Variants in TRPM3 observed in about 807,000 individuals in gnomAD.
TRPM3 encodes the protein transient receptor potential cation channel subfamily M member 3.
Under a neutral mutation model 181.2 loss-of-function variants are expected in TRPM3, and 77 were observed. That is an observed-to-expected ratio of 0.42 (90% CI 0.35 to 0.51). The LOEUF is 0.51. Among genes scored for constraint, TRPM3 ranks in the 20% least tolerant of loss-of-function variants. The pLI is 0.01. For missense variants in TRPM3, 1,759 were observed against 2,196.7 expected, an observed-to-expected ratio of 0.80 and a Z score of 3.98; for synonymous variants, 745 against 796.4, an observed-to-expected ratio of 0.94 and a Z score of 1.09.
chr9:70,795,281 A>G (rs2086726291), intron 6 of TRPM3, among the ~76,000 whole-genome samples: 1 of 152,230 alleles, frequency 6.6e-6, no homozygotes. Context: ...TTTGAATAAT[A>G]CATGAATTAT....
intron 14 of TRPM3, among the ~76,000 whole-genome samples, chr9:70,622,037 T>C (rs1000692555): frequency 1.3e-5 from 2 of 152,110 alleles, no homozygotes; most frequent in Admixed American, 6.5e-5. Context: ...GTGATGGTAT[T>C]AGGGGGGACA....
At chr9:71,096,225 C>T (rs2067168389) in intron 1 of TRPM3, among the ~76,000 whole-genome samples, 3 of 149,302 alleles carry the variant, frequency 2.0e-5, no homozygotes, top group South Asian at 4.3e-4. Flanking sequence ...TATACTTCCA[C>T]CCAGAATTGA....
chr9:70,800,636 C>T (rs2088678091), intron 6 of TRPM3, among the ~76,000 whole-genome samples: 1 of 152,164 alleles, frequency 6.6e-6, no homozygotes, highest in South Asian at 2.1e-4. Context: ...TGACCCACTT[C>T]TACTTAGTGA....
intron 1 of TRPM3, among the ~76,000 whole-genome samples, chr9:70,930,387 A>G (rs946889936): frequency 3.3e-5 from 5 of 152,234 alleles, no homozygotes; most frequent in Non-Finnish European, 5.9e-5. Context: ...TCAGCATGTC[A>G]TAAAAATTAT....
chr9:70,742,547 G>A (rs1587692291), intron 8 of TRPM3, among the ~76,000 whole-genome samples: 1 of 152,012 alleles, frequency 6.6e-6, no homozygotes, highest in African/African-American at 2.4e-5. Flanking sequence ...CTGTGATTTT[G>A]TATCCTTTAA....
At chr9:71,258,417 A>G (rs1437281701) in intron 1 of TRPM3, among the ~76,000 whole-genome samples, 1 of 152,128 alleles carries the variant, frequency 6.6e-6, no homozygotes, top group Non-Finnish European at 1.5e-5. Flanking sequence ...CATGAATTCT[A>G]TTTATTACAG....
At chr9:71,407,415 A>G (rs937122675) in intron 1 of TRPM3, among the ~76,000 whole-genome samples, 3 of 152,230 alleles carry the variant, frequency 2.0e-5, no homozygotes, top group Non-Finnish European at 4.4e-5. Flanking sequence ...ACAGCACACC[A>G]GGAGATTATA....
intron 1 of TRPM3, among the ~76,000 whole-genome samples, chr9:71,037,078 C>T (rs1452797993): frequency 6.6e-6 from 1 of 152,098 alleles, no homozygotes; most frequent in Non-Finnish European, 1.5e-5. Flanking sequence ...AGTAGCAAAA[C>T]TACAAAAAGC....
At chr9:70,773,863 C>A (rs189145802) in intron 7 of TRPM3, among the ~76,000 whole-genome samples, 2 of 152,228 alleles carry the variant, frequency 1.3e-5, no homozygotes, top group African/African-American at 4.8e-5. Flanking sequence ...CTTATTTTTC[C>A]TGTTGGTTTC....
upstream of TRPM3, among the ~76,000 whole-genome samples, chr9:71,125,711 C>T (rs2073990942): frequency 6.6e-6 from 1 of 152,028 alleles, no homozygotes; most frequent in African/African-American, 2.4e-5. Flanking sequence ...ATACATACCA[C>T]TAATGGGATT....
chr9:71,295,874 A>G (rs1232521236), intron 1 of TRPM3, among the ~76,000 whole-genome samples: 5 of 150,358 alleles, frequency 3.3e-5, no homozygotes, highest in South Asian at 2.1e-4. Context: ...AATGCTTACT[A>G]TTTTCTACCA....
chr9:71,200,135 G>T (rs1316778462), intron 1 of TRPM3, among the ~76,000 whole-genome samples: 1 of 152,116 alleles, frequency 6.6e-6, no homozygotes, highest in Non-Finnish European at 1.5e-5. Context: ...TATGTACCCA[G>T]TAGTCATTCA....
At chr9:71,244,220 C>G (rs1245348252) in intron 1 of TRPM3, among the ~76,000 whole-genome samples, 1 of 152,158 alleles carries the variant, frequency 6.6e-6, no homozygotes, top group Non-Finnish European at 1.5e-5. Flanking sequence ...GCAGCATGAA[C>G]TCCTCATCTT....
intron 1 of TRPM3, among the ~76,000 whole-genome samples, chr9:71,403,280 T>C (rs2093375931): frequency 1.3e-5 from 2 of 152,210 alleles, no homozygotes; most frequent in Admixed American, 1.3e-4. Context: ...TTGTAACAGA[T>C]ACCATATGGA....
chr9:71,253,454 A>G (rs1253929227), intron 1 of TRPM3, among the ~76,000 whole-genome samples: 2 of 152,218 alleles, frequency 1.3e-5, no homozygotes, highest in Non-Finnish European at 2.9e-5. Flanking sequence ...GCTAACCATC[A>G]TAACACCACA....
chr9:70,577,486 T>G (rs895402558), intron 22 of TRPM3, among the ~76,000 whole-genome samples: 8 of 152,252 alleles, frequency 5.3e-5, no homozygotes, highest in Non-Finnish European at 1.2e-4. Flanking sequence ...ATCATGTGCC[T>G]GGCCTGGTGC....
chr9:71,146,921 G>A (rs1199694484), intron 1 of TRPM3, among the ~76,000 whole-genome samples: 2 of 152,140 alleles, frequency 1.3e-5, no homozygotes, highest in African/African-American at 4.8e-5. Context: ...ATAGGAAAAG[G>A]CAACAGCCAT....
intron 3 of TRPM3, 105 bp downstream of exon 3, chr9:70,862,803 G>C (rs973498310): frequency 8.9e-7 from 1 of 1,128,110 alleles, no homozygotes; most frequent in Non-Finnish European, 1.3e-6. Flanking sequence ...CAGTGGCAGA[G>C]TGGAGATTAG....
intron 1 of TRPM3, among the ~76,000 whole-genome samples, chr9:70,971,307 C>T (rs1373528413): frequency 2.0e-5 from 3 of 152,188 alleles, no homozygotes; most frequent in African/African-American, 7.2e-5. Flanking sequence ...GCTCCCTCAG[C>T]CACTCGCAGC....
Sources: allele counts gnomAD v4.1 joint callset (sites outside exome capture counted in the v4.1 genomes callset), GRCh38; gene constraint gnomAD v4.1.1; transcripts MANE v1.5; gene names NCBI Gene and HGNC (gene_info 2026-07-23, HGNC 2026-07-21).